TESC: variants seen among roughly 807,000 people sequenced by gnomAD.
The protein encoded by TESC is tescalcin.
TESC carries 19 observed loss-of-function variants against 31.0 expected under a neutral mutation model. That is an observed-to-expected ratio of 0.61 (90% CI 0.43 to 0.90). The LOEUF (loss-of-function observed/expected upper bound fraction) is 0.90, where lower values mean the gene tolerates loss of function less well. Ranked by LOEUF, TESC falls within the 40% of genes least tolerant of loss-of-function variation. The pLI, the probability that TESC is intolerant of heterozygous loss-of-function variation, is 0.00. For synonymous variants in TESC, 109 were observed against 114.8 expected (o/e 0.95, Z 0.32); for missense variants, 248 against 303.8 (o/e 0.82, Z 1.36).
chr12:117,040,351 AT>A (rs1251412245), intron 7 of TESC, among the ~76,000 whole-genome samples: 6 of 152,156 alleles, frequency 3.9e-5, no homozygotes, highest in Admixed American at 3.3e-4. Flanking sequence ...CGCTGAGGGC[AT>A]TGGAAGGAAT....
intron 2 of TESC, among the ~76,000 whole-genome samples, chr12:117,067,568 C>T (rs898010642): frequency 2.0e-5 from 3 of 152,154 alleles, no homozygotes; most frequent in Admixed American, 1.3e-4. Context: ...CGAGATCTTG[C>T]TCCCATCCCC....
Position 117,098,865 on chromosome 12 carries a change from G to A in TESC, c.58+360C>T, listed in dbSNP as rs986206220. ...CGCTCACGAATGCAAACGACTCTCAGGTGTGGGGCGCGCGCGCCAGCGGGG... is the reference window on the plus strand; with the variant it reads ...CGCTCACGAATGCAAACGACTCTCAAGTGTGGGGCGCGCGCGCCAGCGGGG... On this transcript the variant is annotated intron_variant, in intron 1 of 7. Coordinates refer to ENST00000335209, the MANE Select transcript of TESC (RefSeq NM_017899.4). Among the ~76,000 whole-genome samples the A allele has an allele frequency of 2.0e-5, 3 of 152,316 alleles. No individual in the cohort carries two copies. The South Asian group carries it at 6.2e-4, about 32-fold the overall frequency.
intron 4 of TESC, 115 bp downstream of exon 4, chr12:117,048,904 G>T: frequency 6.5e-7 from 1 of 1,532,228 alleles, no homozygotes; most frequent in Non-Finnish European, 8.9e-7. Flanking sequence ...AGCCCTCCAA[G>T]CCCCCAAGCC....
At chr12:117,064,846 G>A (rs772088431) in intron 2 of TESC, among the ~76,000 whole-genome samples, 2 of 152,188 alleles carry the variant, frequency 1.3e-5, no homozygotes, top group Admixed American at 6.5e-5. Context: ...GCATCTAGTG[G>A]GTGGAGGCCA....
intron 2 of TESC, among the ~76,000 whole-genome samples, chr12:117,070,308 T>G (rs1273368258): frequency 6.6e-6 from 1 of 152,140 alleles, no homozygotes; most frequent in East Asian, 1.9e-4. Context: ...ATCTCCCTTC[T>G]CTAGGCCCTG....
intron 2 of TESC, among the ~76,000 whole-genome samples, chr12:117,067,487 G>A (rs1008855585): frequency 6.6e-6 from 1 of 152,100 alleles, no homozygotes; most frequent in African/African-American, 2.4e-5. Context: ...CAGGATGATC[G>A]CTTGAGCCCG....
intron 2 of TESC, among the ~76,000 whole-genome samples, chr12:117,074,486 G>C (rs2135783752): frequency 6.6e-6 from 1 of 152,324 alleles, no homozygotes; most frequent in South Asian, 2.1e-4. Context: ...CAATGCAGAA[G>C]GTTGATTTTC....
Position 117,086,824 on chromosome 12 carries a change from C to T in TESC, c.59-11484G>A, listed in dbSNP as rs183928115. ...CCTTAGCACAGGATCTGGTAGGAGACGTAGGAGATGCAGGAGACGCTGGGG... is the reference window on the plus strand; with the variant it reads ...CCTTAGCACAGGATCTGGTAGGAGATGTAGGAGATGCAGGAGACGCTGGGG... On this transcript the variant is annotated intron_variant, in intron 1 of 7. Transcript: ENST00000335209. Among the ~76,000 whole-genome samples, 26 of 152,274 alleles carry T rather than the reference C, an allele frequency of 1.7e-4. No homozygotes were observed. In the East Asian group the frequency reaches 2.5e-3, roughly 15 times the overall value.
intron 3 of TESC, among the ~76,000 whole-genome samples, chr12:117,056,131 G>A (rs1359785811): frequency 6.6e-6 from 1 of 152,094 alleles, no homozygotes; most frequent in Non-Finnish European, 1.5e-5. Context: ...AGGTTGGCCA[G>A]GCTGGTCTTG....
intron 6 of TESC, among the ~76,000 whole-genome samples, chr12:117,045,753 C>T (rs752608590): frequency 2.6e-5 from 4 of 152,212 alleles, no homozygotes; most frequent in East Asian, 1.9e-4. Context: ...TGTCTAGAGA[C>T]GCAGCCACTT....
intron 2 of TESC, among the ~76,000 whole-genome samples, chr12:117,061,946 TG>T (rs1262595377): frequency 1.3e-5 from 2 of 152,158 alleles, no homozygotes; most frequent in Non-Finnish European, 2.9e-5. Flanking sequence ...GGTAACATGA[TG>T]GGGCTAATGA....
chr12:117,053,033 C>G (rs1192254154), intron 3 of TESC, among the ~76,000 whole-genome samples: 1 of 152,344 alleles, frequency 6.6e-6, no homozygotes, highest in East Asian at 1.9e-4. Flanking sequence ...CCTCACCGCC[C>G]CTTCCTGCCT....
chr12:117,070,294 C>G (rs1366536475), intron 2 of TESC, among the ~76,000 whole-genome samples: 2 of 152,186 alleles, frequency 1.3e-5, no homozygotes, highest in Non-Finnish European at 2.9e-5. Flanking sequence ...TGAAAAGCTA[C>G]CTCATCTCCC....
intron 2 of TESC, among the ~76,000 whole-genome samples, chr12:117,068,599 GC>G (rs1954919072): frequency 6.6e-6 from 1 of 152,146 alleles, no homozygotes; most frequent in Non-Finnish European, 1.5e-5. Context: ...TTTTGCTGAC[GC>G]CCCACTGTCT....
At chr12:117,065,551 A>G (rs1017346405) in intron 2 of TESC, among the ~76,000 whole-genome samples, 1 of 152,184 alleles carries the variant, frequency 6.6e-6, no homozygotes, top group African/African-American at 2.4e-5. Flanking sequence ...GGCAGTTGCT[A>G]CATGAGTCAG....
At position 117,042,012 on chromosome 12, in the gene TESC, G is replaced by A. The variant is rs1163721086; in HGVS notation, c.520-18C>T. On this transcript the variant is annotated intron_variant, in intron 6 of 7. Transcript: ENST00000335209. Reference sequence around the variant, plus strand: ...TCAGGCTCCTGGGGACGGAAGCACAGGGTGGACAGTGAGTGGCGCAGGTCC... The same window carrying A: ...TCAGGCTCCTGGGGACGGAAGCACAAGGTGGACAGTGAGTGGCGCAGGTCC... 1.4e-5 allele frequency: 22 copies of A among 1,588,726 alleles called. No individual in the cohort carries two copies. The highest frequency in any genetic ancestry group is 1.7e-5 in the Non-Finnish European group (20 of 1,167,152).
intron 1 of TESC, 34 bp downstream of exon 1, chr12:117,099,191 C>T (rs1404592434): frequency 2.7e-6 from 4 of 1,475,470 alleles, no homozygotes; most frequent in Non-Finnish European, 3.6e-6. Context: ...GAGGTCCCGC[C>T]CCGGTCCCCG....
At chr12:117,056,283 C>T (rs1057369706) in intron 3 of TESC, among the ~76,000 whole-genome samples, 2 of 152,194 alleles carry the variant, frequency 1.3e-5, no homozygotes, top group South Asian at 2.1e-4. Context: ...TCTTGAACTC[C>T]TGACCTCAGG....
intron 1 of TESC, among the ~76,000 whole-genome samples, chr12:117,093,502 C>T (rs1036489871): frequency 1.3e-5 from 2 of 152,230 alleles, no homozygotes; most frequent in African/African-American, 4.8e-5. Flanking sequence ...CAGGCGAACC[C>T]CCTGCCTTGG....
Sources: gnomAD v4.1 joint callset for allele counts (sites outside exome capture counted in the v4.1 genomes callset) on GRCh38, gnomAD v4.1.1 for gene constraint, MANE v1.5 for transcripts, NCBI Gene and HGNC (gene_info 2026-07-23, HGNC 2026-07-21) for gene names.